RINL: variants seen among roughly 807,000 people sequenced by gnomAD.
The protein encoded by RINL is Ras and Rab interactor like.
A neutral mutation model predicts 58.1 loss-of-function variants in RINL; 39 were observed. That is an observed-to-expected ratio of 0.67 (90% CI 0.52 to 0.88). The LOEUF (loss-of-function observed/expected upper bound fraction) is 0.88, where lower values mean the gene tolerates loss of function less well. Ranked by LOEUF, RINL falls within the 40% of genes least tolerant of loss-of-function variation. The pLI is 0.00. For synonymous variants in RINL, 286 were observed against 323.1 expected, an observed-to-expected ratio of 0.89 and a Z score of 1.23; for missense variants, 711 against 749.2, an observed-to-expected ratio of 0.95 and a Z score of 0.60.
chr19:38,872,014 TC>T (rs1307041387), intron 4 of RINL, 144 bp from the exon 5 acceptor site: 2 of 675,160 alleles, frequency 3.0e-6, no homozygotes, highest in Non-Finnish European at 5.3e-6. Context: ...GGAGTCTCCA[TC>T]TTTACTCTTG....
intron 1 of RINL, 75 bp downstream of exon 1, chr19:38,878,157 C>T (rs1019256265): frequency 6.6e-5 from 10 of 151,638 alleles, no homozygotes; most frequent in Non-Finnish European, 1.2e-4. Flanking sequence ...AGGGGTGGGT[C>T]AGGGCAGCTG....
intron 3 of RINL, among the ~76,000 whole-genome samples, chr19:38,875,036 G>A (rs1356386943): frequency 6.6e-6 from 1 of 151,788 alleles, no homozygotes; most frequent in Non-Finnish European, 1.5e-5. Flanking sequence ...TCGGGAGGCT[G>A]AGGCAGGAGA....
At chr19:38,873,619 G>C in intron 4 of RINL, 1 of 303,182 alleles carries the variant, frequency 3.3e-6, no homozygotes, top group Non-Finnish European at 6.4e-6. Context: ...TCTGCCTCCT[G>C]GGTTCAAGCT....
chr19:38,870,390 G>T lies in RINL; in HGVS notation c.1025-130C>A. On this transcript the variant is annotated intron_variant, in intron 8 of 11. Transcript: ENST00000591812. The surrounding 1 kb of genome is among the most constrained non-coding windows in gnomAD (Gnocchi z 5.8). ...CTGGTCCCCCGTGAGTGTAGACATG[G>T]TTGTGAACATGTGTGGAAGAGTTAG... 2.9e-6 allele frequency: 3 copies of T among 1,033,964 alleles called. No individual in the cohort carries two copies. The highest frequency in any genetic ancestry group is 4.1e-6 in the Non-Finnish European group (3 of 739,712). The allele number at this position is 1,033,964 out of a possible 1,614,324, so 64.0% of individuals were successfully genotyped here. A position where few individuals can be genotyped will look rare whatever the true frequency, so the allele number is the denominator to read the frequency against.
rs1972710340 is a variant in RINL at position 38,867,996 on chromosome 19, G to A, written c.*1108C>T. The A allele has an allele frequency of 6.6e-6, 1 of 152,012 alleles. No individual in the cohort carries two copies. Among genetic ancestry groups the A allele is most frequent in the Non-Finnish European group, 1.5e-5 (1 of 68,014 alleles). 9.4% of individuals were successfully genotyped at this position (152,012 alleles called of 1,614,324 possible). The stretch of plus-strand genomic sequence containing the variant: ...TGTTTCACTCTTGTTGCCCAGGCTG[G>A]AGTGCAATGGCGCAATCTCCGCTCA... On this transcript the variant is annotated 3_prime_UTR_variant, in exon 12 of 12. Transcript: ENST00000591812.
chr19:38,869,456 G>T lies in RINL; in HGVS notation c.1475-46C>A. The T allele has an allele frequency of 6.3e-7, 1 of 1,575,206 alleles. No homozygotes were observed. The highest frequency in any genetic ancestry group is 2.2e-5 in the East Asian group (1 of 44,456). On this transcript the variant is annotated intron_variant, in intron 10 of 11. Coordinates refer to ENST00000591812, the MANE Select transcript of RINL (RefSeq NM_001195833.2). This position sits in a 1 kb window ranked among gnomAD's most constrained non-coding sequence, Gnocchi z 5.7. ...CAGCTCCGCCCTCTCGGCTTCCCTGGTCGCCCCAAATCCCCCTGCAGTTTG... is the reference window on the plus strand; with the variant it reads ...CAGCTCCGCCCTCTCGGCTTCCCTGTTCGCCCCAAATCCCCCTGCAGTTTG...
chr19:38,871,124 C>G lies in RINL; in HGVS notation c.555G>C (p.Gln185His), dbSNP rs1315705238. 3 of 1,612,928 alleles carry G rather than the reference C, an allele frequency of 1.9e-6. No homozygotes were observed. The highest frequency in any genetic ancestry group is 2.5e-6 in the Non-Finnish European group (3 of 1,179,410). The stretch of plus-strand genomic sequence containing the variant: ...CCTCTGGCTCTGTTTCTTGAGGGGT[C>G]TGCTCCCTCCCCCAGCCTCTGTGGG... ...LETHRGWGREQTPQETEPEAA... is the reference protein window; with the variant it reads ...LETHRGWGREHTPQETEPEAA... Residue 185 changes from glutamine (Q) to histidine (H), a missense_variant, in exon 7 of 12, where the codon CAG becomes CAC. Transcript: ENST00000591812.
chr19:38,870,947 G>T lies in RINL; in HGVS notation c.647C>A (p.Pro216Gln). 1.2e-6 allele frequency: 2 copies of T among 1,605,482 alleles called. No individual in the cohort carries two copies. The highest frequency in any genetic ancestry group is 1.3e-5 in the African/African-American group (1 of 75,002). Reference protein sequence around the residue: ...APHGVSWVKGPLSPEVDHPGP... With the variant: ...APHGVSWVKGQLSPEVDHPGP... ...AGGATGGTCCACTTCCGGGCTGAGCGGGCCTTTCACCCAGGAGACCCCGTG... is the reference window on the plus strand; with the variant it reads ...AGGATGGTCCACTTCCGGGCTGAGCTGGCCTTTCACCCAGGAGACCCCGTG... Residue 216 changes from proline to glutamine, a missense_variant, in exon 8 of 12, where the codon CCG (proline) becomes CAG (glutamine). Transcript: ENST00000591812. The surrounding 1 kb of genome is among the most constrained non-coding windows in gnomAD (Gnocchi z 5.8).
In RINL at chr19:38,868,345, G is replaced by T. The variant is rs994297524; in HGVS notation, c.*759C>A. ...ATGTGATACATTCTTTGGGAAAAAC[G>T]ATCACAATTGGGCACGGTGGCTCAC... On this transcript the variant is annotated 3_prime_UTR_variant, in exon 12 of 12. Coordinates refer to ENST00000591812, the MANE Select transcript of RINL (RefSeq NM_001195833.2). The T allele has an allele frequency of 6.6e-6, 1 of 151,848 alleles. No individual in the cohort carries two copies. Among genetic ancestry groups the T allele is most frequent in the African/African-American group, 2.4e-5 (1 of 41,346 alleles). 9.4% of individuals were successfully genotyped at this position (151,848 alleles called of 1,614,324 possible).
intron 7 of RINL, 32 bp downstream of exon 7, chr19:38,871,046 C>G: frequency 1.3e-6 from 2 of 1,578,780 alleles, no homozygotes; most frequent in South Asian, 2.4e-5. Context: ...AGCTCCCTCC[C>G]CTTCAGAGGC....
chr19:38,870,279 G>A lies in RINL; in HGVS notation c.1025-19C>T, dbSNP rs756043955. The A allele has an allele frequency of 4.4e-6, 6 of 1,377,434 alleles. No homozygotes were observed. The highest frequency in any genetic ancestry group is 5.6e-6 in the Non-Finnish European group (6 of 1,070,602). The allele number at this position is 1,377,434 out of a possible 1,614,324, so 85.3% of individuals were successfully genotyped here. ...GCGGGGCCTGCGGGGTGTGGGGGAC[G>A]GGTGAGCACAGGACCGCCAAGTTGT... On this transcript the variant is annotated intron_variant, in intron 8 of 11. Transcript: ENST00000591812. This position sits in a 1 kb window ranked among gnomAD's most constrained non-coding sequence, Gnocchi z 5.8.
At position 38,868,991 on chromosome 19, in the gene RINL, G is replaced by T. The variant is rs373858634; in HGVS notation, c.*113C>A. The T allele has an allele frequency of 3.3e-4, 301 of 907,446 alleles. 4 individuals are homozygous for T. The East Asian group carries it at 6.3e-3, about 19-fold the overall frequency. 56.2% of individuals were successfully genotyped at this position (907,446 alleles called of 1,614,324 possible). A position where few individuals can be genotyped will look rare whatever the true frequency, so the allele number is the denominator to read the frequency against. ...GTTTTTTTTTTTTTTTGGTAGATGG[G>T]GGTCCCACTGTTTTGCCCAGGCTGG... is the stretch of plus-strand genomic sequence containing the variant. On this transcript the variant is annotated 3_prime_UTR_variant, in exon 12 of 12. Transcript: ENST00000591812.
chr19:38,869,854 T>A lies in RINL; in HGVS notation c.1342+89A>T. The A allele has an allele frequency of 2.0e-6, 3 of 1,521,882 alleles. No individual in the cohort carries two copies. Among genetic ancestry groups the A allele is most frequent in the Non-Finnish European group, 2.7e-6 (3 of 1,131,418 alleles). The allele number at this position is 1,521,882 out of a possible 1,614,324, so 94.3% of individuals were successfully genotyped here. On this transcript the variant is annotated intron_variant, in intron 9 of 11. Coordinates refer to ENST00000591812, the MANE Select transcript of RINL (RefSeq NM_001195833.2). The surrounding 1 kb of genome is among the most constrained non-coding windows in gnomAD (Gnocchi z 5.7). ...TCCTACCAGAATCTTCAGGACCGCA[T>A]AGATTCCTCCCACCAGTGCTACCCT...
At chr19:38,872,629 C>T (rs1972838374) in intron 4 of RINL, among the ~76,000 whole-genome samples, 1 of 151,972 alleles carries the variant, frequency 6.6e-6, no homozygotes, top group South Asian at 2.1e-4. Flanking sequence ...AATCCCATCA[C>T]TTTGGGAGGC....
At chr19:38,875,592 G>A (rs1052088190) in intron 3 of RINL, among the ~76,000 whole-genome samples, 3 of 151,692 alleles carry the variant, frequency 2.0e-5, no homozygotes, top group East Asian at 3.9e-4. Context: ...CAGGAGAATC[G>A]CTTGAACCTG....
chr19:38,870,736 G>A lies in RINL; in HGVS notation c.858C>T (p.Ala286=). 2 of 1,613,482 alleles carry A rather than the reference G, an allele frequency of 1.2e-6. No individual in the cohort carries two copies. Among genetic ancestry groups the A allele is most frequent in the Non-Finnish European group, 1.7e-6 (2 of 1,179,990 alleles). Residue 286 remains alanine, a synonymous_variant, in exon 8 of 12, where the codon GCC becomes GCT. Transcript: ENST00000591812. This position sits in a 1 kb window ranked among gnomAD's most constrained non-coding sequence, Gnocchi z 5.8. The part of the protein sequence containing the change: ...RQYRSLRVRI[A]SDSGGPHGSG... ...ACCCGTGGGGACCCCCAGAATCTGAGGCGATGCGCACCCGAAGGCTTCGGT... is the reference window on the plus strand; with the variant it reads ...ACCCGTGGGGACCCCCAGAATCTGAAGCGATGCGCACCCGAAGGCTTCGGT...
At position 38,867,851 on chromosome 19, in the gene RINL, T is replaced by C. The variant is rs1295282816; in HGVS notation, c.*1253A>G. 1 of 152,076 alleles carries C rather than the reference T, an allele frequency of 6.6e-6. No homozygotes were observed. Among genetic ancestry groups the C allele is most frequent in the East Asian group, 1.9e-4 (1 of 5,208 alleles). The allele number at this position is 152,076 out of a possible 1,614,324, so 9.4% of individuals were successfully genotyped here. A position where few individuals can be genotyped will look rare whatever the true frequency, so the allele number is the denominator to read the frequency against. On this transcript the variant is annotated 3_prime_UTR_variant, in exon 12 of 12. Coordinates refer to ENST00000591812, the MANE Select transcript of RINL (RefSeq NM_001195833.2). ...AAAGTTTTAAATATGTCAGTAACTT[T>C]TTAATATGGATACATGTTGAAGTGA...
At position 38,869,272 on chromosome 19, in the gene RINL, T is replaced by C. The variant is rs1600087983; in HGVS notation, c.1613A>G (p.His538Arg). ...LHQWHRRRTL[H>R]RKDHPRAQAN... ...CTGGGCTCTGGGATGATCCTTTCTG[T>C]GCAGCGTCCGCCTGCGGTGCCACTG... The change falls in exon 11 of 12, where the codon CAC (histidine) becomes CGC (arginine). Residue 538 changes from histidine (H) to arginine (R), a missense_variant. Physicochemically the swap from His to Arg is conservative, Grantham distance 29. Coordinates refer to ENST00000591812, the MANE Select transcript of RINL (RefSeq NM_001195833.2). This position sits in a 1 kb window ranked among gnomAD's most constrained non-coding sequence, Gnocchi z 5.7. 2 of 1,614,074 alleles carry C rather than the reference T, an allele frequency of 1.2e-6. No individual in the cohort carries two copies. The highest frequency in any genetic ancestry group is 1.1e-5 in the South Asian group (1 of 91,082).
At chr19:38,875,575 G>A (rs550799605) in intron 3 of RINL, among the ~76,000 whole-genome samples, 1 of 151,624 alleles carries the variant, frequency 6.6e-6, no homozygotes, top group Non-Finnish European at 1.5e-5. Flanking sequence ...TACTCAGGAG[G>A]CTGAGGCAGG....
Sources: allele counts gnomAD v4.1 joint callset (sites outside exome capture counted in the v4.1 genomes callset), GRCh38; gene constraint gnomAD v4.1.1; non-coding constraint Gnocchi (gnomAD v3.1); transcripts MANE v1.5; gene names NCBI Gene and HGNC (gene_info 2026-07-23, HGNC 2026-07-21).